The following ADGRV1 variants were observed in gnomAD, a reference collection of about 807,000 sequenced individuals.
ADGRV1 encodes the protein G-protein coupled receptor 98.
ADGRV1 carries 359 observed loss-of-function variants against 596.2 expected under a neutral mutation model. That is an observed-to-expected ratio of 0.60 (90% CI 0.55 to 0.66). The LOEUF (loss-of-function observed/expected upper bound fraction) is 0.66. ADGRV1 is among the 30% of genes least tolerant of loss of function. The probability of loss-of-function intolerance (pLI) is 0.00; values close to 1 mark genes in which losing one functional copy is unlikely to be tolerated. For missense variants in ADGRV1, 7,274 were observed against 7,575.6 expected (o/e 0.96, Z 1.48); for synonymous variants, 2,681 against 2,679.2 (o/e 1.00, Z -0.02).
At chr5:90,963,028 T>C (rs143458905) in intron 83 of ADGRV1, among the ~76,000 whole-genome samples, 2 of 152,334 alleles carry the variant, frequency 1.3e-5, no homozygotes, top group East Asian at 3.9e-4. Context: ...TATTCAATTA[T>C]AATTTGGATT....
intron 85 of ADGRV1, among the ~76,000 whole-genome samples, chr5:91,002,278 A>C (rs1376002269): frequency 6.6e-6 from 1 of 152,192 alleles, no homozygotes; most frequent in East Asian, 1.9e-4. Context: ...CAGAGACGTC[A>C]AAGTATTGTG....
intron 59 of ADGRV1, among the ~76,000 whole-genome samples, chr5:90,764,815 C>T (rs532232009): frequency 6.6e-6 from 1 of 152,288 alleles, no homozygotes; most frequent in South Asian, 2.1e-4. Flanking sequence ...GGGTACACAA[C>T]CAGTATGGCA....
chr5:90,799,291 A>G (rs992400937), intron 70 of ADGRV1, among the ~76,000 whole-genome samples: 11 of 152,176 alleles, frequency 7.2e-5, no homozygotes, highest in African/African-American at 2.7e-4. Flanking sequence ...TAACAAACAA[A>G]CAGAGAGCCA....
At chr5:90,888,994 G>A (rs145296539) in intron 83 of ADGRV1, among the ~76,000 whole-genome samples, 9 of 152,212 alleles carry the variant, frequency 5.9e-5, no homozygotes, top group African/African-American at 2.2e-4. Flanking sequence ...TTGGATTGTG[G>A]CCTTCTATGA....
intron 78 of ADGRV1, among the ~76,000 whole-genome samples, chr5:90,841,343 A>C (rs1430690103): frequency 6.6e-6 from 1 of 152,192 alleles, no homozygotes; most frequent in East Asian, 1.9e-4. Flanking sequence ...TTAGTCCATT[A>C]AGAAAAAGGA....
At chr5:91,154,069 A>T (rs1164718894) in intron 89 of ADGRV1, among the ~76,000 whole-genome samples, 3 of 152,256 alleles carry the variant, frequency 2.0e-5, no homozygotes, top group African/African-American at 7.2e-5. Context: ...TGATATCTGC[A>T]TTCATAATAT....
Position 90,802,846 on chromosome 5 carries a change from T to C in ADGRV1, c.14625T>C (p.Ala4875=), listed in dbSNP as rs768136254. 10 of 1,610,172 alleles carry C rather than the reference T, an allele frequency of 6.2e-6. No individual in the cohort carries two copies. The highest frequency in any genetic ancestry group is 8.5e-6 in the Non-Finnish European group (10 of 1,178,302). ...CAATTCTTCAGGAAGCAAAATCTGC[T>C]GTCCTTCCAGTCTCTGAGAAAGCTG... ...MPTILQEAKS[A]VLPVSEKAAN... The change falls in exon 71 of 90, where the codon GCT becomes GCC. Residue 4875 remains alanine, a synonymous_variant. Transcript: ENST00000405460.
intron 85 of ADGRV1, among the ~76,000 whole-genome samples, chr5:91,042,025 C>T (rs1020708582): frequency 2.0e-5 from 3 of 152,168 alleles, no homozygotes; most frequent in Admixed American, 2.0e-4. Flanking sequence ...AGTTATTTAA[C>T]TGTTTTACAG....
chr5:90,953,654 CT>C (rs34093442), intron 83 of ADGRV1, among the ~76,000 whole-genome samples: 10,385 of 151,894 alleles, frequency 0.068, 557 homozygotes, highest in East Asian at 0.24. Context: ...AAAAACAGCT[CT>C]TGAAGAAAAA....
At chr5:90,696,612 T>G (rs1021281733) in intron 33 of ADGRV1, among the ~76,000 whole-genome samples, 1 of 152,098 alleles carries the variant, frequency 6.6e-6, no homozygotes, top group Middle Eastern at 3.2e-3. Context: ...GGAGCTCTTT[T>G]CCTAGCTAGG....
intron 86 of ADGRV1, among the ~76,000 whole-genome samples, chr5:91,097,709 A>G (rs563062699): frequency 6.6e-6 from 1 of 152,210 alleles, no homozygotes; most frequent in Admixed American, 6.5e-5. Flanking sequence ...CAAGGGTTCC[A>G]ATTGCTAAAT....
chr5:91,138,698 A>T (rs1005228490), intron 87 of ADGRV1, among the ~76,000 whole-genome samples: 1 of 152,010 alleles, frequency 6.6e-6, no homozygotes, highest in South Asian at 2.1e-4. Context: ...TCCAAGAAGT[A>T]TGATACCTCA....
chr5:90,790,025 C>A (rs1759891462), intron 69 of ADGRV1, among the ~76,000 whole-genome samples, 174 bp downstream of exon 69: 5 of 152,338 alleles, frequency 3.3e-5, no homozygotes, highest in Non-Finnish European at 7.3e-5. Context: ...TCATCAGCAT[C>A]AACCTCTAGC....
rs2366777 is a variant in ADGRV1 at position 90,647,754 on chromosome 5, G to A, written c.3279G>A (p.Leu1093=). 4 of 1,611,644 alleles carry A rather than the reference G, an allele frequency of 2.5e-6. No individual in the cohort carries two copies. The highest frequency in any genetic ancestry group is 3.4e-6 in the Non-Finnish European group (4 of 1,178,470). Residue 1093 remains leucine (L), a synonymous_variant, in exon 17 of 90, where the codon TTG becomes TTA. Transcript: ENST00000405460. ...ETDEPFYIIL[L]NSTGDTVVYQ... ...ATGAGCCCTTTTATATAATCCTCTTGAATTCAACAGGTAAGTAAATTATGC... is the reference window on the plus strand; with the variant it reads ...ATGAGCCCTTTTATATAATCCTCTTAAATTCAACAGGTAAGTAAATTATGC...
intron 4 of ADGRV1, among the ~76,000 whole-genome samples, chr5:90,621,291 T>C (rs775784077): frequency 6.6e-6 from 1 of 152,236 alleles, no homozygotes; most frequent in Non-Finnish European, 1.5e-5. Flanking sequence ...GTCATTTTCT[T>C]GGTACCTTAA....
At position 90,736,815 on chromosome 5, in the gene ADGRV1, T is replaced by C. The variant is rs1753283622; in HGVS notation, c.10549+7051T>C. Among the ~76,000 whole-genome samples, 4 of 152,112 alleles carry C rather than the reference T, an allele frequency of 2.6e-5. No individual in the cohort carries two copies. The South Asian group carries it at 6.2e-4, about 24-fold the overall frequency. On this transcript the variant is annotated intron_variant, in intron 50 of 89. Coordinates refer to ENST00000405460, the MANE Select transcript of ADGRV1 (RefSeq NM_032119.4). ...TGTATTTCTGTGGTATCTGTTGTAA[T>C]GTCTCTACTTTTATTTCTGATTTTG...
intron 1 of ADGRV1, chr5:90,614,243 C>T (rs547330404): frequency 4.7e-4 from 176 of 376,890 alleles, no homozygotes; most frequent in Admixed American, 9.9e-4. Flanking sequence ...TTTTCTTAGA[C>T]GTGGTCTTAG....
intron 85 of ADGRV1, among the ~76,000 whole-genome samples, chr5:91,006,073 G>C (rs1488387949): frequency 2.0e-5 from 3 of 152,172 alleles, no homozygotes; most frequent in African/African-American, 7.2e-5. Context: ...TACTTGTAGA[G>C]TGGCCAGAGT....
intron 54 of ADGRV1, among the ~76,000 whole-genome samples, chr5:90,754,546 T>C (rs539930943): frequency 6.6e-6 from 1 of 152,318 alleles, no homozygotes; most frequent in African/African-American, 2.4e-5. Context: ...GGCACGTCAC[T>C]GTAAGAACAA....
Sources: gnomAD v4.1 joint callset for allele counts (sites outside exome capture counted in the v4.1 genomes callset) on GRCh38, gnomAD v4.1.1 for gene constraint, MANE v1.5 for transcripts, NCBI Gene and HGNC (gene_info 2026-07-23, HGNC 2026-07-21) for gene names.